RBFOX1: variants seen among roughly 807,000 people sequenced by gnomAD.
RBFOX1 encodes the protein RNA binding protein fox-1 homolog 1.
In RBFOX1, 8 loss-of-function variants were observed where a neutral mutation model predicts 57.7. The observed-to-expected ratio is 0.14, with a 90% confidence interval of 0.08 to 0.25. The LOEUF (loss-of-function observed/expected upper bound fraction) is 0.25, where lower values mean the gene tolerates loss of function less well. Ranked by LOEUF, RBFOX1 falls within the 10% of genes least tolerant of loss-of-function variation. The pLI, the probability that RBFOX1 is intolerant of heterozygous loss-of-function variation, is 1.00. For synonymous variants in RBFOX1, 326 were observed against 222.4 expected (o/e 1.47, Z -4.15); for missense variants, 611 against 548.5 (o/e 1.11, Z -1.14).
chr16:7,661,846 C>A (rs926644321), intron 12 of RBFOX1, among the ~76,000 whole-genome samples: 3 of 152,170 alleles, frequency 2.0e-5, no homozygotes, highest in African/African-American at 4.8e-5. Context: ...CAGCAACACC[C>A]AAGTAACTTT....
intron 1 of RBFOX1, among the ~76,000 whole-genome samples, chr16:6,100,124 G>A (rs905783816): frequency 1.3e-5 from 2 of 152,114 alleles, no homozygotes; most frequent in Non-Finnish European, 2.9e-5. Context: ...ATGTGATGCA[G>A]GCTTATTGCA....
intron 1 of RBFOX1, among the ~76,000 whole-genome samples, chr16:6,110,195 C>CTTTTT (rs3049169): frequency 4.7e-5 from 6 of 128,200 alleles, no homozygotes; most frequent in Admixed American, 8.1e-5. Context: ...TTTTCTTCTT[C>CTTTTT]TTTTTTTTTT....
At chr16:7,699,532 G>C (rs2079957866) in intron 14 of RBFOX1, among the ~76,000 whole-genome samples, 1 of 152,150 alleles carries the variant, frequency 6.6e-6, no homozygotes, top group African/African-American at 2.4e-5. Flanking sequence ...CACACAATAG[G>C]ACTTGCTAAA....
At chr16:6,599,111 A>G (rs1020361010) in intron 2 of RBFOX1, among the ~76,000 whole-genome samples, 2 of 152,200 alleles carry the variant, frequency 1.3e-5, no homozygotes, top group African/African-American at 4.8e-5. Context: ...TATGTTCCAA[A>G]TCACCTGATA....
chr16:6,455,570 T>C (rs551133820), intron 2 of RBFOX1, among the ~76,000 whole-genome samples: 25 of 152,184 alleles, frequency 1.6e-4, no homozygotes, highest in Non-Finnish European at 3.7e-4. Flanking sequence ...CATAAAACTA[T>C]GACACACTCC....
chr16:6,221,080 A>G (rs879470653), intron 1 of RBFOX1, among the ~76,000 whole-genome samples: 10 of 152,112 alleles, frequency 6.6e-5, no homozygotes, highest in Non-Finnish European at 1.2e-4. Context: ...AACTTTTTCC[A>G]TATTTAAAAT....
chr16:6,360,371 G>T (rs1387338009), intron 2 of RBFOX1, among the ~76,000 whole-genome samples: 1 of 151,978 alleles, frequency 6.6e-6, no homozygotes, highest in Non-Finnish European at 1.5e-5. Context: ...TTGCACTGCA[G>T]GGACCAAAAG....
At chr16:6,636,091 T>C (rs2098429585) in intron 2 of RBFOX1, among the ~76,000 whole-genome samples, 1 of 152,072 alleles carries the variant, frequency 6.6e-6, no homozygotes, top group African/African-American at 2.4e-5. Flanking sequence ...CATATGGAGG[T>C]CGGGTATTGA....
At chr16:5,954,922 C>T (rs2059593020) in intron 4 of RBFOX1, among the ~76,000 whole-genome samples, 1 of 151,662 alleles carries the variant, frequency 6.6e-6, no homozygotes, top group African/African-American at 2.4e-5. Flanking sequence ...GTGAACAGCA[C>T]CATTCAGTTC....
chr16:5,766,586 A>G (rs992514353), intron 3 of RBFOX1, among the ~76,000 whole-genome samples: 2 of 152,192 alleles, frequency 1.3e-5, no homozygotes, highest in African/African-American at 4.8e-5. Context: ...CTCTGTCTCA[A>G]GAAACAAACA....
chr16:5,685,994 A>T (rs1238396959), intron 3 of RBFOX1, among the ~76,000 whole-genome samples: 1 of 152,214 alleles, frequency 6.6e-6, no homozygotes, highest in Non-Finnish European at 1.5e-5. Context: ...GTGATAGACT[A>T]CTGTGCATCA....
chr16:6,724,596 T>C (rs946304551), intron 3 of RBFOX1, among the ~76,000 whole-genome samples: 1 of 152,136 alleles, frequency 6.6e-6, no homozygotes, highest in Non-Finnish European at 1.5e-5. Flanking sequence ...TCCAGAACTA[T>C]AAGAAAATAA....
intron 3 of RBFOX1, among the ~76,000 whole-genome samples, chr16:6,745,035 T>C (rs977101600): frequency 5.9e-5 from 9 of 151,890 alleles, no homozygotes; most frequent in African/African-American, 2.2e-4. Context: ...AAAAGAAAAA[T>C]AAGATCATAT....
chr16:6,991,371 G>C (rs2091422756), intron 3 of RBFOX1, among the ~76,000 whole-genome samples: 1 of 152,064 alleles, frequency 6.6e-6, no homozygotes. Flanking sequence ...CCCTGGACAG[G>C]ATGCCTGGGA....
At chr16:7,042,902 G>C in intron 3 of RBFOX1, among the ~76,000 whole-genome samples, 1 of 152,090 alleles carries the variant, frequency 6.6e-6, no homozygotes, top group Admixed American at 6.5e-5. Context: ...CTCCAGCCTG[G>C]GTGACAGAGG....
intron 4 of RBFOX1, among the ~76,000 whole-genome samples, chr16:7,451,574 G>A (rs993550058): frequency 6.6e-6 from 1 of 152,104 alleles, no homozygotes; most frequent in African/African-American, 2.4e-5. Flanking sequence ...GGCTCTTAGA[G>A]ACTGGCTTCT....
At chr16:7,144,735 A>T (rs180966187) in intron 4 of RBFOX1, among the ~76,000 whole-genome samples, 172 of 152,012 alleles carry the variant, frequency 1.1e-3, no homozygotes, top group African/African-American at 4.1e-3. Context: ...TCCCACCTAC[A>T]TATGAGAAAA....
chr16:5,619,008 G>A lies in RBFOX1; in HGVS notation c.318+20047G>A, dbSNP rs7198889. ...TGCTCCGGTGGTTCCAGGGAGGCCA[G>A]GCTATTTAGGAGGAATGTGGCTGTT... On this transcript the variant is annotated intron_variant, in intron 3 of 19. Transcript: ENST00000641259. Among the ~76,000 whole-genome samples, 516 of 152,156 alleles carry A rather than the reference G, an allele frequency of 3.4e-3. 1 individual carries two copies. Among genetic ancestry groups the A allele is most frequent in the Non-Finnish European group, 4.9e-3 (334 of 67,992 alleles).
intron 14 of RBFOX1, among the ~76,000 whole-genome samples, chr16:7,684,979 A>C (rs909282944): frequency 6.6e-6 from 1 of 152,110 alleles, no homozygotes; most frequent in Admixed American, 6.6e-5. Flanking sequence ...TGAAATTTCA[A>C]GATTTGAGTG....
Sources: gnomAD v4.1 joint callset for allele counts (sites outside exome capture counted in the v4.1 genomes callset) on GRCh38, gnomAD v4.1.1 for gene constraint, MANE v1.5 for transcripts, NCBI Gene and HGNC (gene_info 2026-07-23, HGNC 2026-07-21) for gene names.